Variants in CDH12 observed in about 807,000 individuals in gnomAD.
CDH12 encodes cadherin 12.
Under a neutral mutation model 74.1 loss-of-function variants are expected in CDH12, and 41 were observed. That is an observed-to-expected ratio of 0.55 (90% CI 0.43 to 0.72). The LOEUF is 0.72. CDH12 is among the 30% of genes least tolerant of loss of function. The pLI is 0.00. For synonymous variants in CDH12, 399 were observed against 355.0 expected (o/e 1.12, Z -1.39); for missense variants, 945 against 977.2 (o/e 0.97, Z 0.44).
chr5:22,663,167 A>G (rs1459396810), intron 1 of CDH12, among the ~76,000 whole-genome samples: 5 of 128,638 alleles, frequency 3.9e-5, no homozygotes, highest in Admixed American at 8.1e-5. Context: ...CAAAAATTGT[A>G]GCATATTTAA....
At chr5:21,777,349 C>G (rs1340666139) in intron 11 of CDH12, among the ~76,000 whole-genome samples, 2 of 151,986 alleles carry the variant, frequency 1.3e-5, no homozygotes, top group Admixed American at 6.6e-5. Context: ...TTCTAAAATG[C>G]AAATTTCTAT....
chr5:22,153,882 A>ATG (rs1561168464), intron 4 of CDH12, among the ~76,000 whole-genome samples: 1 of 49,608 alleles, frequency 2.0e-5, no homozygotes, highest in Non-Finnish European at 4.5e-5. Flanking sequence ...GTATATATAT[A>ATG]TATATAAATA....
In CDH12 at chr5:22,432,202, T is replaced by C. The variant is rs529375698; in HGVS notation, c.-427-26851A>G. On this transcript the variant is annotated intron_variant, in intron 2 of 14. Transcript: ENST00000382254. ...AGGATTAGATACATAAATACCATGG[T>C]GTTATACTTACCTCCAGTATTCAAT... Among the ~76,000 whole-genome samples, 285 of 152,240 alleles carry C rather than the reference T, an allele frequency of 1.9e-3. 1 individual carries two copies. The highest frequency in any genetic ancestry group is 6.5e-3 in the African/African-American group (269 of 41,536).
intron 4 of CDH12, among the ~76,000 whole-genome samples, chr5:22,188,973 A>G (rs1750118620): frequency 6.6e-6 from 1 of 152,218 alleles, no homozygotes; most frequent in Non-Finnish European, 1.5e-5. Context: ...TTGTGATTCA[A>G]TAACAAGGGA....
chr5:22,236,436 A>G (rs151041973), intron 3 of CDH12, among the ~76,000 whole-genome samples: 170 of 152,194 alleles, frequency 1.1e-3, no homozygotes, highest in Middle Eastern at 6.8e-3. Flanking sequence ...CTTTTTATTA[A>G]GAACTAAAAC....
intron 1 of CDH12, among the ~76,000 whole-genome samples, chr5:22,611,727 C>T (rs904753460): frequency 6.6e-6 from 1 of 152,146 alleles, no homozygotes; most frequent in Admixed American, 6.6e-5. Flanking sequence ...CACCCAGTCT[C>T]CTGCTCCTAT....
At chr5:22,160,955 G>A (rs1007152905) in intron 4 of CDH12, among the ~76,000 whole-genome samples, 59 of 152,250 alleles carry the variant, frequency 3.9e-4, no homozygotes, top group Non-Finnish European at 6.3e-4. Context: ...GAGGGTCCTC[G>A]ACAACTGTGT....
intron 5 of CDH12, among the ~76,000 whole-genome samples, chr5:22,011,023 C>T (rs1737264408): frequency 6.6e-6 from 1 of 152,006 alleles, no homozygotes; most frequent in Non-Finnish European, 1.5e-5. Flanking sequence ...GTTTAGCTGA[C>T]TTTTTTAGTG....
chr5:21,836,121 A>AT (rs1305659704), intron 8 of CDH12, among the ~76,000 whole-genome samples: 1 of 151,640 alleles, frequency 6.6e-6, no homozygotes, highest in Non-Finnish European at 1.5e-5. Context: ...TTTTATTTTG[A>AT]TTTTTTATGT....
chr5:22,663,529 A>G (rs1740453820), intron 1 of CDH12, among the ~76,000 whole-genome samples: 2 of 152,222 alleles, frequency 1.3e-5, no homozygotes, highest in South Asian at 4.1e-4. Flanking sequence ...TATGAAAAAT[A>G]GAAAATAATT....
chr5:22,520,483 G>A (rs912131477), intron 1 of CDH12, among the ~76,000 whole-genome samples: 1 of 152,098 alleles, frequency 6.6e-6, no homozygotes, highest in Non-Finnish European at 1.5e-5. Context: ...TTATGGAGGT[G>A]CCCTTAAAAA....
intron 4 of CDH12, among the ~76,000 whole-genome samples, chr5:22,161,494 C>G (rs575798130): frequency 2.0e-5 from 3 of 151,936 alleles, no homozygotes; most frequent in Non-Finnish European, 2.9e-5. Context: ...CTCAGGAGTT[C>G]GAGACCTGCT....
At chr5:22,226,526 T>A (rs915071843) in intron 3 of CDH12, among the ~76,000 whole-genome samples, 3 of 151,948 alleles carry the variant, frequency 2.0e-5, no homozygotes, top group Admixed American at 6.6e-5. Context: ...TCTGAGATCT[T>A]ATAACCCTAG....
intron 2 of CDH12, among the ~76,000 whole-genome samples, chr5:22,408,249 T>C (rs931581871): frequency 1.7e-5 from 1 of 58,960 alleles, no homozygotes; most frequent in Admixed American, 2.4e-4. Context: ...CAAGAAATCA[T>C]AGATAGAGTT....
At chr5:22,301,616 T>C (rs984619977) in intron 3 of CDH12, among the ~76,000 whole-genome samples, 2 of 151,954 alleles carry the variant, frequency 1.3e-5, no homozygotes, top group Non-Finnish European at 2.9e-5. Flanking sequence ...AACAAACATT[T>C]TTCATCCCCT....
At chr5:22,726,254 T>C (rs1047802614) in intron 1 of CDH12, among the ~76,000 whole-genome samples, 2 of 151,794 alleles carry the variant, frequency 1.3e-5, no homozygotes, top group South Asian at 2.1e-4. Flanking sequence ...GTCTTCATAG[T>C]TTTTCCTTTT....
At chr5:21,891,940 G>T (rs944947490) in intron 6 of CDH12, among the ~76,000 whole-genome samples, 9 of 152,090 alleles carry the variant, frequency 5.9e-5, no homozygotes, top group African/African-American at 1.9e-4. Flanking sequence ...CCAAATCTAT[G>T]CTTAATTGAT....
intron 1 of CDH12, among the ~76,000 whole-genome samples, chr5:22,640,603 T>C (rs1436389121): frequency 6.6e-6 from 1 of 152,216 alleles, no homozygotes; most frequent in Non-Finnish European, 1.5e-5. Context: ...CCAGTTGTCA[T>C]GTTCTCTGGG....
Position 22,739,366 on chromosome 5 carries a change from G to A in CDH12, c.-523+113692C>T, listed in dbSNP as rs549331813. ...AAAACTCTGACACTCACAATACTAC[G>A]TAAAATATATGTCAATGAATGTTGT... On this transcript the variant is annotated intron_variant, in intron 1 of 14. Transcript: ENST00000382254. Among the ~76,000 whole-genome samples, 198 of 151,292 alleles carry A rather than the reference G, an allele frequency of 1.3e-3. 3 individuals carry two copies. In the South Asian group the frequency reaches 0.039, roughly 30 times the overall value.
Sources: allele counts gnomAD v4.1 joint callset (sites outside exome capture counted in the v4.1 genomes callset), GRCh38; gene constraint gnomAD v4.1.1; transcripts MANE v1.5; gene names NCBI Gene and HGNC (gene_info 2026-07-23, HGNC 2026-07-21).